SLC5A4: variants seen among roughly 807,000 people sequenced by gnomAD.
SLC5A4 encodes probable glucose sensor protein SLC5A4.
Under a neutral mutation model 70.3 loss-of-function variants are expected in SLC5A4, and 55 were observed. That is an observed-to-expected ratio of 0.78 (90% CI 0.63 to 0.98). The LOEUF is 0.98. Among genes scored for constraint, SLC5A4 ranks in the 50% least tolerant of loss-of-function variants. SLC5A4 has a pLI of 0.00. For synonymous variants in SLC5A4, 268 were observed against 305.7 expected (o/e 0.88, Z 1.29); for missense variants, 735 against 839.2 (o/e 0.88, Z 1.53).
the SLC5A4 span, among the ~76,000 whole-genome samples, chr22:32,346,928 T>C: frequency 6.6e-6 from 1 of 150,846 alleles, no homozygotes; most frequent in Non-Finnish European, 1.5e-5. Context: ...ACCTACAAAA[T>C]GGGAGAAAAT....
chr22:32,340,883 G>T, the SLC5A4 span, among the ~76,000 whole-genome samples: 2 of 152,214 alleles, frequency 1.3e-5, no homozygotes, highest in Non-Finnish European at 2.9e-5. Context: ...GCCACTGTCG[G>T]GGACACAGGC....
At chr22:32,308,126 T>C in the SLC5A4 span, among the ~76,000 whole-genome samples, 3 of 152,124 alleles carry the variant, frequency 2.0e-5, no homozygotes, top group Non-Finnish European at 2.9e-5. Flanking sequence ...AGTGCACTGG[T>C]ACGATCTCAG....
At position 32,222,136 on chromosome 22, in the gene SLC5A4, A is replaced by G. The variant is rs144551485; in HGVS notation, c.1666-1114T>C. Among the ~76,000 whole-genome samples the G allele has an allele frequency of 4.1e-3, 618 of 152,288 alleles. 3 individuals carry two copies. The highest frequency in any genetic ancestry group is 0.014 in the African/African-American group (585 of 41,546). Reference sequence around the variant, plus strand: ...TTAATTTGGCTCATGACTTTCTTGTACAAATTTACTAGAATTTGTAATTGG... The same window carrying G: ...TTAATTTGGCTCATGACTTTCTTGTGCAAATTTACTAGAATTTGTAATTGG... On this transcript the variant is annotated intron_variant, in intron 13 of 14. Coordinates refer to ENST00000266086, the MANE Select transcript of SLC5A4 (RefSeq NM_014227.3).
intron 3 of SLC5A4, among the ~76,000 whole-genome samples, chr22:32,249,480 T>C (rs1927020633): frequency 6.6e-6 from 1 of 152,142 alleles, no homozygotes; most frequent in South Asian, 2.1e-4. Flanking sequence ...CATGGCACTA[T>C]TAAAACAAAG....
At chr22:32,292,138 TATTATATTC>T in the SLC5A4 span, among the ~76,000 whole-genome samples, 14 of 64,470 alleles carry the variant, frequency 2.2e-4, no homozygotes, top group South Asian at 1.4e-3. Context: ...AGATATTATA[TATTATATTC>T]TATATATTAT....
At chr22:32,347,538 AG>A in the SLC5A4 span, among the ~76,000 whole-genome samples, 1 of 152,074 alleles carries the variant, frequency 6.6e-6, no homozygotes, top group African/African-American at 2.4e-5. Context: ...AAAAATGATG[AG>A]TTCATGTCCT....
chr22:32,310,574 A>AC, the SLC5A4 span, among the ~76,000 whole-genome samples: 656 of 151,766 alleles, frequency 4.3e-3, 7 homozygotes, highest in African/African-American at 0.015. Flanking sequence ...TCTAATTGAG[A>AC]CCCCCCAGCA....
At chr22:32,308,867 T>C in the SLC5A4 span, among the ~76,000 whole-genome samples, 1 of 152,186 alleles carries the variant, frequency 6.6e-6, no homozygotes, top group Non-Finnish European at 1.5e-5. Context: ...TGTGTGCATG[T>C]ATGTACTTGT....
chr22:32,234,351 G>A (rs2123895922), intron 8 of SLC5A4, among the ~76,000 whole-genome samples: 1 of 152,290 alleles, frequency 6.6e-6, no homozygotes, highest in African/African-American at 2.4e-5. Context: ...AAGAAATAGG[G>A]TGGAAAGCAG....
chr22:32,234,789 G>A (rs1420387734), intron 8 of SLC5A4, 84 bp downstream of exon 8: 1 of 981,168 alleles, frequency 1.0e-6, no homozygotes, highest in African/African-American at 1.6e-5. Flanking sequence ...TTTTCTATGA[G>A]ACAAGAAAGA....
chr22:32,310,527 G>C, the SLC5A4 span, among the ~76,000 whole-genome samples: 1 of 127,848 alleles, frequency 7.8e-6, no homozygotes, highest in Admixed American at 7.7e-5. Flanking sequence ...GGTGCCCTGG[G>C]ATTGCTCATG....
intron 5 of SLC5A4, among the ~76,000 whole-genome samples, chr22:32,239,521 TATATATATATATATATATA>T (rs1926269453): frequency 1.9e-4 from 1 of 5,382 alleles, no homozygotes; most frequent in Non-Finnish European, 2.8e-4. Flanking sequence ...GTGCATATTA[TATATATATATATATATATA>T]TATATATATA....
At chr22:32,291,206 CTT>C in the SLC5A4 span, among the ~76,000 whole-genome samples, 3,790 of 128,742 alleles carry the variant, frequency 0.029, 117 homozygotes, top group African/African-American at 0.095. Context: ...TTTGACTGTT[CTT>C]TTTTTTTTTT....
intron 2 of SLC5A4, among the ~76,000 whole-genome samples, chr22:32,253,230 G>A (rs1255877279): frequency 1.3e-5 from 2 of 152,150 alleles, no homozygotes; most frequent in African/African-American, 2.4e-5. Flanking sequence ...TGTGATGCTG[G>A]GCTGACACTC....
At chr22:32,289,460 TA>T in the SLC5A4 span, among the ~76,000 whole-genome samples, 1 of 152,200 alleles carries the variant, frequency 6.6e-6, no homozygotes, top group Admixed American at 6.5e-5. Flanking sequence ...GATGGTTTTA[TA>T]AGGGGCTGCC....
the SLC5A4 span, among the ~76,000 whole-genome samples, chr22:32,262,206 T>A: frequency 4.6e-5 from 7 of 152,344 alleles, no homozygotes; most frequent in East Asian, 1.3e-3. Flanking sequence ...GATTGCTGGA[T>A]CACATGGTGG....
intron 13 of SLC5A4, among the ~76,000 whole-genome samples, chr22:32,221,393 C>G (rs755476791): frequency 6.6e-6 from 1 of 152,164 alleles, no homozygotes; most frequent in Non-Finnish European, 1.5e-5. Flanking sequence ...TTCAGTTTAT[C>G]TAGTGGTTGC....
chr22:32,239,518 TTATA>T (rs1173210993), intron 5 of SLC5A4, among the ~76,000 whole-genome samples: 77 of 25,128 alleles, frequency 3.1e-3, no homozygotes, highest in South Asian at 5.6e-3. Context: ...GGAGTGCATA[TTATA>T]TATATATATA....
the SLC5A4 span, among the ~76,000 whole-genome samples, chr22:32,288,387 T>A: frequency 1.1e-4 from 17 of 152,184 alleles, no homozygotes; most frequent in African/African-American, 4.1e-4. Flanking sequence ...AGTTGATGTG[T>A]TTCCCTAACA....
Sources: gnomAD v4.1 joint callset for allele counts (sites outside exome capture counted in the v4.1 genomes callset) on GRCh38, gnomAD v4.1.1 for gene constraint, MANE v1.5 for transcripts, NCBI Gene and HGNC (gene_info 2026-07-23, HGNC 2026-07-21) for gene names.